The following DNAAF4 variants were observed in gnomAD, a reference collection of about 807,000 sequenced individuals.
The protein encoded by DNAAF4 is dynein axonemal assembly factor 4, also known as dynein assembly factor 4, axonemal.
A neutral mutation model predicts 51.8 loss-of-function variants in DNAAF4; 43 were observed. The observed-to-expected ratio is 0.83, with a 90% CI of 0.65 to 1.07. The LOEUF is 1.07. Ranked by LOEUF, DNAAF4 falls within the 50% of genes least tolerant of loss-of-function variation. The pLI is 0.00. For synonymous variants in DNAAF4, 194 were observed against 165.6 expected (o/e 1.17, Z -1.32); for missense variants, 581 against 493.0 (o/e 1.18, Z -1.69).
intron 4 of DNAAF4, among the ~76,000 whole-genome samples, chr15:55,467,638 T>C (rs1364602570): frequency 6.6e-6 from 1 of 151,976 alleles, no homozygotes; most frequent in Non-Finnish European, 1.5e-5. Context: ...ACCGAAGTTG[T>C]GCCAACCCTT....
chr15:55,490,981 A>T lies in DNAAF4; in HGVS notation c.405+142T>A, dbSNP rs533401735. The T allele has an allele frequency of 2.1e-4, 188 of 908,404 alleles. 1 individual carries two copies. The East Asian group carries it at 4.4e-3, about 21-fold the overall frequency. 56.3% of individuals were successfully genotyped at this position (908,404 alleles called of 1,614,324 possible). A position where few individuals can be genotyped will look rare whatever the true frequency, so the allele number is the denominator to read the frequency against. ...GAAAAAAAAAAACACACATATAAAT[A>T]GCAGACAGTCTATATAACATAGTAA... On this transcript the variant is annotated intron_variant, in intron 4 of 9. Transcript: ENST00000321149.
At chr15:55,486,803 T>C (rs1226729509) in intron 4 of DNAAF4, among the ~76,000 whole-genome samples, 1 of 152,034 alleles carries the variant, frequency 6.6e-6, no homozygotes, top group Non-Finnish European at 1.5e-5. Context: ...TTATTTTTAA[T>C]TAGCAAAAAT....
At chr15:55,446,561 T>C (rs1388401045) in intron 6 of DNAAF4, among the ~76,000 whole-genome samples, 2 of 132,434 alleles carry the variant, frequency 1.5e-5, no homozygotes, top group Non-Finnish European at 3.2e-5. Flanking sequence ...GCTCCTCACA[T>C]CCCAGATGAA....
chr15:55,424,113 C>T (rs1364882693), intron 7 of DNAAF4, among the ~76,000 whole-genome samples: 6 of 152,048 alleles, frequency 3.9e-5, no homozygotes, highest in Admixed American at 3.3e-4. Flanking sequence ...ACTATTAGGT[C>T]ATGGGGACAC....
At chr15:55,473,540 TA>T (rs1180501263) in intron 4 of DNAAF4, among the ~76,000 whole-genome samples, 1 of 151,644 alleles carries the variant, frequency 6.6e-6, no homozygotes, top group African/African-American at 2.4e-5. Flanking sequence ...CTTGATCAAA[TA>T]GGGTCTTTCT....
intron 7 of DNAAF4, among the ~76,000 whole-genome samples, chr15:55,423,976 G>C (rs372797534): frequency 2.6e-4 from 39 of 152,252 alleles, no homozygotes; most frequent in African/African-American, 8.7e-4. Flanking sequence ...TGTAATCTCA[G>C]CTACTTGGGA....
At chr15:55,482,303 G>C (rs2058423022) in intron 4 of DNAAF4, among the ~76,000 whole-genome samples, 1 of 152,160 alleles carries the variant, frequency 6.6e-6, no homozygotes, top group Non-Finnish European at 1.5e-5. Flanking sequence ...AAAACTATTT[G>C]ATGATTCCCC....
chr15:55,496,690 G>A (rs2058645114), intron 3 of DNAAF4, among the ~76,000 whole-genome samples: 1 of 151,842 alleles, frequency 6.6e-6, no homozygotes, highest in Non-Finnish European at 1.5e-5. Flanking sequence ...CAGCCTTTAG[G>A]TTTATTTAAA....
At chr15:55,449,382 G>A (rs1353687335) in intron 6 of DNAAF4, among the ~76,000 whole-genome samples, 1 of 151,550 alleles carries the variant, frequency 6.6e-6, no homozygotes, top group East Asian at 2.0e-4. Flanking sequence ...GCAGTTCTTG[G>A]CTGGGTACGG....
chr15:55,489,875 GTTT>G (rs869277272), intron 4 of DNAAF4, among the ~76,000 whole-genome samples: 1 of 137,760 alleles, frequency 7.3e-6, no homozygotes, highest in Non-Finnish European at 1.6e-5. Flanking sequence ...GAGATAAGAA[GTTT>G]TTTTTTTTTT....
intron 3 of DNAAF4, among the ~76,000 whole-genome samples, chr15:55,496,817 G>C (rs190187681): frequency 1.3e-5 from 2 of 151,690 alleles, no homozygotes; most frequent in African/African-American, 4.9e-5. Context: ...TTCATATAGC[G>C]ATCATTTTGA....
At chr15:55,455,537 T>C (rs1385876821) in intron 5 of DNAAF4, among the ~76,000 whole-genome samples, 4 of 151,876 alleles carry the variant, frequency 2.6e-5, no homozygotes, top group African/African-American at 9.7e-5. Flanking sequence ...GTTCAAGTGA[T>C]TCTCCTGCCT....
chr15:55,420,508 T>A (rs894004503), intron 7 of DNAAF4, among the ~76,000 whole-genome samples: 19 of 152,256 alleles, frequency 1.2e-4, no homozygotes, highest in Middle Eastern at 3.4e-3. Flanking sequence ...CATAAGGGGA[T>A]TATAAAAGTT....
rs76150030 is a variant in DNAAF4, at chr15:55,439,362, G to A, written c.893+110C>T. On this transcript the variant is annotated intron_variant, in intron 7 of 9. Coordinates refer to ENST00000321149, the MANE Select transcript of DNAAF4 (RefSeq NM_130810.4). ...TGGCTTCAAGTTATCATCCCACCTCGGCCTCCCAAAGGGCTGGGATTACAG... is the reference window on the plus strand; with the variant it reads ...TGGCTTCAAGTTATCATCCCACCTCAGCCTCCCAAAGGGCTGGGATTACAG... The A allele has an allele frequency of 0.033, 28,350 of 846,706 alleles. 538 individuals are homozygous for A. Among genetic ancestry groups the A allele is most frequent in the African/African-American group, 0.048 (2,833 of 58,654 alleles). 52.4% of individuals were successfully genotyped at this position (846,706 alleles called of 1,614,324 possible). A position where few individuals can be genotyped will look rare whatever the true frequency, so the allele number is the denominator to read the frequency against.
At chr15:55,440,851 T>C (rs2057699373) in intron 6 of DNAAF4, among the ~76,000 whole-genome samples, 1 of 151,190 alleles carries the variant, frequency 6.6e-6, no homozygotes, top group Non-Finnish European at 1.5e-5. Context: ...CCAGCTAATT[T>C]TTTGTATTTT....
At chr15:55,470,146 G>A (rs907390807) in intron 4 of DNAAF4, among the ~76,000 whole-genome samples, 2 of 151,744 alleles carry the variant, frequency 1.3e-5, no homozygotes, top group South Asian at 4.1e-4. Context: ...CCGCCTCCCA[G>A]GTTCAAGTGA....
At chr15:55,469,503 G>T (rs71476724) in intron 4 of DNAAF4, among the ~76,000 whole-genome samples, 1 of 2,276 alleles carries the variant, frequency 4.4e-4, no homozygotes, top group African/African-American at 6.0e-4. Flanking sequence ...TTTTTTTTGA[G>T]ACGGAGTCTC....
chr15:55,498,272 A>C lies in DNAAF4; in HGVS notation c.58T>G (p.Ser20Ala), dbSNP rs2058667388. Residue 20 changes from serine to alanine, a missense_variant, in exon 2 of 10, where the codon TCT becomes GCT. Ser to Ala is a moderately conservative substitution (Grantham distance 99). Coordinates refer to ENST00000321149, the MANE Select transcript of DNAAF4 (RefSeq NM_130810.4). Reference sequence around the variant, plus strand: ...ACGCACACGCCTTTGAGGGGCAGAGACAGAAAGACCGCAGTCTTCGTCTGC... The same window carrying C: ...ACGCACACGCCTTTGAGGGGCAGAGCCAGAAAGACCGCAGTCTTCGTCTGC... ...WQQTKTAVFL[S>A]LPLKGVCVRD... The C allele has an allele frequency of 6.2e-7, 1 of 1,613,712 alleles. No individual in the cohort carries two copies. The highest frequency in any genetic ancestry group is 1.1e-5 in the South Asian group (1 of 91,004).
chr15:55,421,203 A>AAG (rs1247963950), intron 7 of DNAAF4, among the ~76,000 whole-genome samples: 1 of 151,204 alleles, frequency 6.6e-6, no homozygotes, highest in Non-Finnish European at 1.5e-5. Context: ...AAAAAAAAAA[A>AAG]AAATTCTCAG....
Sources: allele counts gnomAD v4.1 joint callset (sites outside exome capture counted in the v4.1 genomes callset), GRCh38; gene constraint gnomAD v4.1.1; transcripts MANE v1.5; gene names NCBI Gene and HGNC (gene_info 2026-07-23, HGNC 2026-07-21).